Variants in SBF2 observed in about 807,000 individuals in gnomAD.
SBF2 encodes myotubularin-related protein 13.
A neutral mutation model predicts 225.2 loss-of-function variants in SBF2; 112 were observed. The ratio of observed to expected loss-of-function variants is 0.50; its 90% CI spans 0.43 to 0.58. The LOEUF (loss-of-function observed/expected upper bound fraction) is 0.58, where lower values mean the gene tolerates loss of function less well. SBF2 is among the 20% of genes least tolerant of loss of function. The pLI is 0.00. For missense variants in SBF2, 1,996 were observed against 2,206.2 expected (o/e 0.90, Z 1.91); for synonymous variants, 763 against 773.3 (o/e 0.99, Z 0.22).
At chr11:10,179,387 CAAA>C (rs60430976) in intron 2 of SBF2, among the ~76,000 whole-genome samples, 4 of 121,802 alleles carry the variant, frequency 3.3e-5, no homozygotes, top group African/African-American at 8.7e-5. Context: ...AACAAAAAAA[CAAA>C]AAAAAACAAA....
rs1852682640 is a variant in SBF2, at chr11:9,790,669, C to T, written c.4585G>A (p.Asp1529Asn). The T allele has an allele frequency of 1.9e-6, 3 of 1,581,698 alleles. No homozygotes were observed. Among genetic ancestry groups the T allele is most frequent in the Non-Finnish European group, 2.6e-6 (3 of 1,153,270 alleles). ...TTTTTGGCATGCTTTTCTCCTTTAT[C>T]ATCAAATAAAGTTCCTGTAGATTAA... ...ERLEHGTLFD[D>N]KGEKHAKKGV... Residue 1529 changes from aspartate to asparagine, a missense_variant, in exon 34 of 40, where the codon GAT becomes AAT. Transcript: ENST00000256190.
chr11:10,055,889 C>T (rs1287633786), intron 2 of SBF2, among the ~76,000 whole-genome samples: 1 of 151,830 alleles, frequency 6.6e-6, no homozygotes, highest in African/African-American at 2.4e-5. Flanking sequence ...ATAATCTTTC[C>T]ATGTAACCAA....
At chr11:9,811,561 G>A (rs1854186327) in intron 30 of SBF2, among the ~76,000 whole-genome samples, 1 of 152,098 alleles carries the variant, frequency 6.6e-6, no homozygotes, top group African/African-American at 2.4e-5. Context: ...AGGGAGTATC[G>A]ACCAGTTCCT....
intron 2 of SBF2, among the ~76,000 whole-genome samples, chr11:10,185,050 T>C (rs1337396336): frequency 6.6e-6 from 1 of 152,014 alleles, no homozygotes; most frequent in Non-Finnish European, 1.5e-5. Context: ...ACAACAAATG[T>C]TGGCACATGT....
chr11:10,211,033 A>AAAAAAAAAAAAAAAAAAAAAAC (rs1286359665), intron 1 of SBF2, among the ~76,000 whole-genome samples: 1 of 149,834 alleles, frequency 6.7e-6, no homozygotes, highest in Admixed American at 6.6e-5. Context: ...AAAAAAAAAA[A>AAAAAAAAAAAAAAAAAAAAAAC]AAGAGCCTCT....
chr11:10,038,408 C>T (rs967193320), intron 3 of SBF2, among the ~76,000 whole-genome samples: 5 of 151,968 alleles, frequency 3.3e-5, no homozygotes, highest in Admixed American at 6.6e-5. Flanking sequence ...ATAAGCACTA[C>T]AATCTTTTTT....
At chr11:9,953,829 T>C (rs1320881163) in intron 16 of SBF2, among the ~76,000 whole-genome samples, 1 of 152,198 alleles carries the variant, frequency 6.6e-6, no homozygotes, top group African/African-American at 2.4e-5. Flanking sequence ...TTTTCTGAGA[T>C]CTATTTCTAT....
At chr11:10,137,254 T>A (rs1234118463) in intron 2 of SBF2, among the ~76,000 whole-genome samples, 5 of 152,224 alleles carry the variant, frequency 3.3e-5, no homozygotes, top group Non-Finnish European at 5.9e-5. Context: ...TCATAACCTG[T>A]GAATCTATAT....
intron 16 of SBF2, among the ~76,000 whole-genome samples, chr11:9,935,228 C>T (rs1377320348): frequency 6.6e-6 from 1 of 151,994 alleles, no homozygotes; most frequent in Non-Finnish European, 1.5e-5. Context: ...AATAAAATAC[C>T]TAGGAATCCA....
intron 16 of SBF2, among the ~76,000 whole-genome samples, chr11:9,936,781 A>G (rs921834048): frequency 2.6e-5 from 4 of 152,206 alleles, no homozygotes; most frequent in Non-Finnish European, 5.9e-5. Context: ...GGCAGGGAAC[A>G]TCACACACTG....
At chr11:9,995,711 C>T (rs991597124) in intron 9 of SBF2, among the ~76,000 whole-genome samples, 2 of 150,440 alleles carry the variant, frequency 1.3e-5, no homozygotes, top group Admixed American at 6.6e-5. Flanking sequence ...AGTGCAACGG[C>T]GTGATCTCGG....
At chr11:10,211,821 T>C (rs541685697) in intron 1 of SBF2, among the ~76,000 whole-genome samples, 3 of 152,330 alleles carry the variant, frequency 2.0e-5, no homozygotes, top group South Asian at 2.1e-4. Context: ...ATAGATCAAA[T>C]AGTTAACTAC....
chr11:10,124,325 C>T (rs1227179603), intron 2 of SBF2, among the ~76,000 whole-genome samples: 1 of 152,144 alleles, frequency 6.6e-6, no homozygotes, highest in East Asian at 1.9e-4. Flanking sequence ...GTTAACCTGC[C>T]TACTTACTCT....
intron 2 of SBF2, among the ~76,000 whole-genome samples, chr11:10,110,237 A>G (rs1444608998): frequency 2.0e-5 from 3 of 152,246 alleles, no homozygotes; most frequent in African/African-American, 7.2e-5. Flanking sequence ...TGAAGGAATC[A>G]TTTGTTGAAT....
intron 22 of SBF2, among the ~76,000 whole-genome samples, chr11:9,849,012 C>G (rs956352988): frequency 1.3e-5 from 2 of 152,220 alleles, no homozygotes; most frequent in African/African-American, 4.8e-5. Context: ...TCAAATGCTA[C>G]TGCATACATA....
At chr11:10,063,086 A>G (rs1310068895) in intron 2 of SBF2, among the ~76,000 whole-genome samples, 1 of 152,158 alleles carries the variant, frequency 6.6e-6, no homozygotes, top group Non-Finnish European at 1.5e-5. Context: ...CTAATGCAGG[A>G]ACAGAAAGGC....
intron 1 of SBF2, among the ~76,000 whole-genome samples, chr11:10,236,278 C>T (rs117588027): frequency 2.7e-3 from 418 of 152,186 alleles, no homozygotes; most frequent in Middle Eastern, 6.8e-3. Flanking sequence ...ATAGTAAGAT[C>T]CCATCTCTAT....
intron 6 of SBF2, among the ~76,000 whole-genome samples, chr11:10,005,359 C>G (rs539319481): frequency 1.3e-5 from 2 of 152,088 alleles, no homozygotes. Flanking sequence ...TTTGTGCATG[C>G]GGAGTGCCCA....
At chr11:10,043,906 A>T (rs2403264) in intron 2 of SBF2, among the ~76,000 whole-genome samples, 67,076 of 152,016 alleles carry the variant, frequency 0.44, 15,336 homozygotes, top group Admixed American at 0.55. Context: ...TGAGTCAAAG[A>T]TGAAATCTCA....
Sources: gnomAD v4.1 joint callset for allele counts (sites outside exome capture counted in the v4.1 genomes callset) on GRCh38, gnomAD v4.1.1 for gene constraint, MANE v1.5 for transcripts, NCBI Gene and HGNC (gene_info 2026-07-23, HGNC 2026-07-21) for gene names.